The following NLGN1 variants were observed in gnomAD, a reference collection of about 807,000 sequenced individuals.
The protein encoded by NLGN1 is neuroligin 1, also known as neuroligin-1.
In NLGN1, 12 loss-of-function variants were observed where a neutral mutation model predicts 65.5. The observed-to-expected ratio is 0.18, with a 90% CI of 0.12 to 0.30. The LOEUF (loss-of-function observed/expected upper bound fraction) is 0.30. Ranked by LOEUF, NLGN1 falls within the 10% of genes least tolerant of loss-of-function variation. NLGN1 has a pLI of 1.00. For missense variants in NLGN1, 750 were observed against 1,007.1 expected, an observed-to-expected ratio of 0.74 and a Z score of 3.46; for synonymous variants, 350 against 359.5, an observed-to-expected ratio of 0.97 and a Z score of 0.30.
chr3:173,561,658 G>A (rs1244144333), intron 2 of NLGN1, among the ~76,000 whole-genome samples: 1 of 152,140 alleles, frequency 6.6e-6, no homozygotes, highest in South Asian at 2.1e-4. Context: ...AGACTTTTCT[G>A]TGCAAAAGAA....
At chr3:174,053,758 T>G (rs904794655) in intron 4 of NLGN1, among the ~76,000 whole-genome samples, 1 of 151,974 alleles carries the variant, frequency 6.6e-6, no homozygotes, top group Non-Finnish European at 1.5e-5. Context: ...TACTGTTCAA[T>G]TCATCCATTT....
At chr3:173,509,595 G>C (rs902514042) in intron 2 of NLGN1, among the ~76,000 whole-genome samples, 3 of 151,958 alleles carry the variant, frequency 2.0e-5, no homozygotes, top group Non-Finnish European at 4.4e-5. Context: ...CTCTAGCCAG[G>C]GTGATGGGAG....
At chr3:174,033,734 G>A (rs1228404439) in intron 4 of NLGN1, among the ~76,000 whole-genome samples, 1 of 152,012 alleles carries the variant, frequency 6.6e-6, no homozygotes, top group Non-Finnish European at 1.5e-5. Context: ...CAGGAAGATA[G>A]GACAACGGAA....
chr3:174,152,155 T>C (rs954540188), intron 4 of NLGN1, among the ~76,000 whole-genome samples: 6 of 124,020 alleles, frequency 4.8e-5, no homozygotes, highest in Non-Finnish European at 8.0e-5. Context: ...ACTAAAACTT[T>C]AGATTTGAAG....
intron 1 of NLGN1, among the ~76,000 whole-genome samples, chr3:173,433,510 A>C (rs1015336444): frequency 6.6e-6 from 1 of 152,208 alleles, no homozygotes; most frequent in African/African-American, 2.4e-5. Context: ...AAGAAGGAAA[A>C]GGGAAGAGGG....
chr3:173,577,154 C>G (rs890686777), intron 2 of NLGN1, among the ~76,000 whole-genome samples: 1 of 152,118 alleles, frequency 6.6e-6, no homozygotes, highest in Non-Finnish European at 1.5e-5. Flanking sequence ...TAGTTTGAGT[C>G]CTTGTATGAT....
intron 2 of NLGN1, among the ~76,000 whole-genome samples, chr3:173,512,791 A>G (rs771878331): frequency 2.0e-5 from 3 of 152,064 alleles, no homozygotes; most frequent in Non-Finnish European, 4.4e-5. Flanking sequence ...CATTTCTATC[A>G]TATCTGACTC....
At chr3:174,092,324 A>G (rs1156405619) in intron 4 of NLGN1, among the ~76,000 whole-genome samples, 1 of 152,162 alleles carries the variant, frequency 6.6e-6, no homozygotes, top group Non-Finnish European at 1.5e-5. Flanking sequence ...GAATAATTTC[A>G]CCAAAAATGG....
At chr3:174,037,854 C>G (rs1187949496) in intron 4 of NLGN1, among the ~76,000 whole-genome samples, 1 of 150,792 alleles carries the variant, frequency 6.6e-6, no homozygotes, top group African/African-American at 2.4e-5. Context: ...TTAAACAATA[C>G]AAAATTACAA....
chr3:173,441,713 A>T (rs112745159), intron 2 of NLGN1, among the ~76,000 whole-genome samples: 3 of 152,304 alleles, frequency 2.0e-5, no homozygotes, highest in African/African-American at 7.2e-5. Flanking sequence ...ATGTCATAAT[A>T]ATGAAAAAGT....
At chr3:173,842,590 A>C (rs559126127) in intron 4 of NLGN1, among the ~76,000 whole-genome samples, 59 of 152,208 alleles carry the variant, frequency 3.9e-4, no homozygotes, top group Non-Finnish European at 7.5e-4. Flanking sequence ...GGCTTCATGC[A>C]AGTCTGAAAT....
chr3:173,911,317 A>G (rs1392553759), intron 4 of NLGN1, among the ~76,000 whole-genome samples: 1 of 152,202 alleles, frequency 6.6e-6, no homozygotes, highest in Non-Finnish European at 1.5e-5. Flanking sequence ...TAAGAGGTGA[A>G]ATAAATCTAC....
chr3:173,934,732 A>G (rs893543940), intron 4 of NLGN1, among the ~76,000 whole-genome samples: 1 of 151,982 alleles, frequency 6.6e-6, no homozygotes, highest in African/African-American at 2.4e-5. Flanking sequence ...CTCTTGATGA[A>G]TCCATCTTTA....
intron 1 of NLGN1, among the ~76,000 whole-genome samples, chr3:173,422,036 C>T (rs1475608498): frequency 2.6e-5 from 4 of 151,894 alleles, no homozygotes; most frequent in Non-Finnish European, 4.4e-5. Flanking sequence ...CAAATGCAGA[C>T]ATTTATTATC....
chr3:173,441,241 A>G (rs1264238420), intron 2 of NLGN1, among the ~76,000 whole-genome samples: 4 of 152,196 alleles, frequency 2.6e-5, no homozygotes, highest in Non-Finnish European at 5.9e-5. Flanking sequence ...CTTTCTTCAT[A>G]TCAGCAATAA....
chr3:173,971,994 A>G (rs1035972088), intron 4 of NLGN1, among the ~76,000 whole-genome samples: 2 of 152,088 alleles, frequency 1.3e-5, no homozygotes, highest in African/African-American at 4.8e-5. Flanking sequence ...TGCAACTCAC[A>G]GCATGGGAGG....
At chr3:173,698,033 G>GA (rs35715039) in intron 3 of NLGN1, among the ~76,000 whole-genome samples, 29 of 145,684 alleles carry the variant, frequency 2.0e-4, no homozygotes, top group African/African-American at 3.0e-4. Flanking sequence ...CTTAAAAAAT[G>GA]AAAAAAAAAA....
chr3:173,676,345 A>G (rs1296926151), intron 3 of NLGN1, among the ~76,000 whole-genome samples: 1 of 152,130 alleles, frequency 6.6e-6, no homozygotes, highest in Non-Finnish European at 1.5e-5. Flanking sequence ...ACAAAGCCCT[A>G]GTAGTGGAAC....
intron 2 of NLGN1, among the ~76,000 whole-genome samples, chr3:173,578,914 T>C (rs1375570819): frequency 3.3e-5 from 5 of 152,208 alleles, no homozygotes; most frequent in African/African-American, 1.2e-4. Flanking sequence ...AATTGGAAAT[T>C]TCTATATTTT....
Sources: gnomAD v4.1 joint callset for allele counts (sites outside exome capture counted in the v4.1 genomes callset) on GRCh38, gnomAD v4.1.1 for gene constraint, MANE v1.5 for transcripts, NCBI Gene and HGNC (gene_info 2026-07-23, HGNC 2026-07-21) for gene names.